The following CHL1 variants were observed in gnomAD, a reference collection of about 807,000 sequenced individuals.
The protein encoded by CHL1 is cell adhesion molecule L1 like, also known as neural cell adhesion molecule L1-like protein.
A neutral mutation model predicts 141.9 loss-of-function variants in CHL1; 96 were observed. That is an observed-to-expected ratio of 0.68 (90% CI 0.57 to 0.80). The LOEUF (loss-of-function observed/expected upper bound fraction) is 0.80. Among genes scored for constraint, CHL1 ranks in the 30% least tolerant of loss-of-function variants. The pLI is 0.00. For synonymous variants in CHL1, 613 were observed against 502.2 expected (o/e 1.22, Z -2.95); for missense variants, 1,820 against 1,457.2 (o/e 1.25, Z -4.05).
intron 16 of CHL1, among the ~76,000 whole-genome samples, chr3:380,192 C>G (rs1194629743): frequency 6.6e-6 from 1 of 152,146 alleles, no homozygotes; most frequent in Non-Finnish European, 1.5e-5. Flanking sequence ...ATTCTGAAAC[C>G]TGTTGAAGAA....
At chr3:319,343 A>T (rs1700378883) in intron 2 of CHL1, among the ~76,000 whole-genome samples, 1 of 151,796 alleles carries the variant, frequency 6.6e-6, no homozygotes, top group Non-Finnish European at 1.5e-5. Context: ...CCTATGTAAC[A>T]AACCTGCAAA....
At position 317,719 on chromosome 3, in the gene CHL1, T is replaced by C. The variant is rs541608532; in HGVS notation, c.-94-1964T>C. Among the ~76,000 whole-genome samples the C allele has an allele frequency of 2.0e-5, 3 of 151,746 alleles. No homozygotes were observed. The East Asian group carries it at 5.8e-4, about 29-fold the overall frequency. The stretch of plus-strand genomic sequence containing the variant: ...GGGCATTGATATTTTCCTCAAAATT[T>C]TCATATTAATAATAGCTACATGGTT... On this transcript the variant is annotated intron_variant, in intron 2 of 27. Transcript: ENST00000256509.
chr3:354,696 G>A lies in CHL1; in HGVS notation c.1090G>A (p.Gly364Ser), dbSNP rs1179503800. The A allele has an allele frequency of 1.2e-6, 2 of 1,613,990 alleles. No individual in the cohort carries two copies. The highest frequency in any genetic ancestry group is 2.2e-5 in the South Asian group (2 of 91,070). Residue 364 changes from glycine (G) to serine (S), a missense_variant, in exon 11 of 28, where the codon GGC (glycine) becomes AGC (serine). Physicochemically the swap from Gly to Ser is moderately conservative, Grantham distance 56 (BLOSUM62 0). Transcript: ENST00000256509. ...TGCTGTGTATAGCACCGGAAGCAAT[G>A]GCATCTTGTTATGTGAGGCTGAAGG... ...QSAVYSTGSN[G>S]ILLCEAEGEP... is the part of the protein sequence containing the mutation.
At chr3:385,076 A>G (rs1034528064) in intron 19 of CHL1, among the ~76,000 whole-genome samples, 1 of 152,212 alleles carries the variant, frequency 6.6e-6, no homozygotes, top group Admixed American at 6.5e-5. Flanking sequence ...ATGTGTGGTT[A>G]TAGTTACTAC....
chr3:340,456 A>G (rs1559279747), intron 5 of CHL1, among the ~76,000 whole-genome samples: 1 of 152,224 alleles, frequency 6.6e-6, no homozygotes, highest in Non-Finnish European at 1.5e-5. Flanking sequence ...AAAAGATTTC[A>G]CATCTATCAA....
intron 5 of CHL1, among the ~76,000 whole-genome samples, chr3:329,764 A>T (rs1223252380): frequency 6.6e-6 from 1 of 152,076 alleles, no homozygotes; most frequent in Non-Finnish European, 1.5e-5. Context: ...GACAGAAAAG[A>T]TATCCCAGAC....
intron 1 of CHL1, among the ~76,000 whole-genome samples, chr3:215,006 T>G (rs911183387): frequency 6.6e-6 from 1 of 151,758 alleles, no homozygotes; most frequent in Non-Finnish European, 1.5e-5. Flanking sequence ...TTGCAAATCT[T>G]CATCACATCA....
chr3:218,305 T>C (rs1215563922), intron 1 of CHL1, among the ~76,000 whole-genome samples: 1 of 152,230 alleles, frequency 6.6e-6, no homozygotes, highest in Non-Finnish European at 1.5e-5. Context: ...ACAGCAGTTA[T>C]GTTTTAGAAG....
At chr3:309,642 T>C (rs572117655) in intron 2 of CHL1, among the ~76,000 whole-genome samples, 1 of 152,046 alleles carries the variant, frequency 6.6e-6, no homozygotes, top group South Asian at 2.1e-4. Context: ...CCTGAGAAGC[T>C]GGGAGTATAG....
chr3:296,267 C>T (rs1698178842), intron 2 of CHL1, among the ~76,000 whole-genome samples: 1 of 152,080 alleles, frequency 6.6e-6, no homozygotes. Context: ...ATTTTTATAT[C>T]GTTCATCGAA....
At chr3:257,402 G>A (rs1377931492) in intron 2 of CHL1, among the ~76,000 whole-genome samples, 1 of 144,692 alleles carries the variant, frequency 6.9e-6, no homozygotes, top group Non-Finnish European at 1.5e-5. Context: ...AGTCCAGGCT[G>A]GAGTGCAGTG....
In CHL1 at chr3:251,461, T is replaced by C. The variant is rs905855590; in HGVS notation, c.-95+6769T>C. 2.0e-5 allele frequency among the ~76,000 whole-genome samples: 3 copies of C among 152,172 alleles called. No individual in the cohort carries two copies. In the East Asian group the frequency reaches 5.8e-4, roughly 29 times the overall value. ...TCATAATCCTTATCTCAGATAATCA[T>C]CTCAACTACTGTTTGTTATCAGTGT... On this transcript the variant is annotated intron_variant, in intron 2 of 27. Transcript: ENST00000256509.
At chr3:395,150 A>G (rs951913708) in intron 24 of CHL1, among the ~76,000 whole-genome samples, 1 of 152,268 alleles carries the variant, frequency 6.6e-6, no homozygotes, top group Non-Finnish European at 1.5e-5. Context: ...TTACTTAATT[A>G]AAGTAGCAGG....
chr3:306,395 A>AAACT (rs1421711442), intron 2 of CHL1, among the ~76,000 whole-genome samples: 1 of 152,186 alleles, frequency 6.6e-6, no homozygotes, highest in Non-Finnish European at 1.5e-5. Context: ...TACATCTATT[A>AAACT]AACTGTTTGC....
intron 9 of CHL1, among the ~76,000 whole-genome samples, chr3:347,774 G>T (rs140497332): frequency 6.3e-4 from 96 of 152,320 alleles, no homozygotes; most frequent in Non-Finnish European, 1.3e-3. Flanking sequence ...CAGAAAGCCA[G>T]CAGCTAATAT....
chr3:292,444 A>T (rs1212971131), intron 2 of CHL1, among the ~76,000 whole-genome samples: 1 of 152,228 alleles, frequency 6.6e-6, no homozygotes, highest in Non-Finnish European at 1.5e-5. Context: ...TTTTTAAATA[A>T]AAATTGTTAT....
At chr3:398,630 A>G (rs888766172) in intron 25 of CHL1, among the ~76,000 whole-genome samples, 1 of 152,222 alleles carries the variant, frequency 6.6e-6, no homozygotes, top group Admixed American at 6.5e-5. Flanking sequence ...TAATTAACAT[A>G]TCTTAATAAC....
chr3:309,129 G>A (rs2124965839), intron 2 of CHL1: 1 of 152,586 alleles, frequency 6.6e-6, no homozygotes, highest in East Asian at 1.9e-4. Context: ...CCCAGCCACA[G>A]AAGTTCCCGG....
intron 23 of CHL1, among the ~76,000 whole-genome samples, chr3:392,465 C>T (rs1054497383): frequency 2.0e-5 from 3 of 152,172 alleles, no homozygotes; most frequent in Admixed American, 6.5e-5. Flanking sequence ...ACTAGAGTAA[C>T]GTGAATGTGT....
Sources: allele counts gnomAD v4.1 joint callset (sites outside exome capture counted in the v4.1 genomes callset), GRCh38; gene constraint gnomAD v4.1.1; transcripts MANE v1.5; gene names NCBI Gene and HGNC (gene_info 2026-07-23, HGNC 2026-07-21).